LRRC37B: variants seen among roughly 807,000 people sequenced by gnomAD.
The protein encoded by LRRC37B is leucine rich repeat containing 37B.
In LRRC37B, 28 loss-of-function variants were observed where a neutral mutation model predicts 98.3. The ratio of observed to expected loss-of-function variants is 0.28; its 90% CI spans 0.21 to 0.39. The LOEUF (loss-of-function observed/expected upper bound fraction) is 0.39, where lower values mean the gene tolerates loss of function less well. Among genes scored for constraint, LRRC37B ranks in the 10% least tolerant of loss-of-function variants. The pLI, the probability that LRRC37B is intolerant of heterozygous loss-of-function variation, is 1.00. For missense variants in LRRC37B, 938 were observed against 1,182.7 expected, an observed-to-expected ratio of 0.79 and a Z score of 3.03; for synonymous variants, 364 against 442.7, an observed-to-expected ratio of 0.82 and a Z score of 2.23.
intron 1 of LRRC37B, among the ~76,000 whole-genome samples, chr17:32,024,086 G>GTT (rs879823401): frequency 1.3e-5 from 2 of 150,644 alleles, no homozygotes; most frequent in African/African-American, 4.9e-5. Context: ...ATTTTATTTT[G>GTT]TTTTTTTTGC....
intron 11 of LRRC37B, chr17:32,052,979 GT>G (rs1433196499): frequency 5.8e-5 from 17 of 292,954 alleles, no homozygotes; most frequent in South Asian, 2.1e-4. Flanking sequence ...ATGGGGGGGG[GT>G]GTGTTGGTTA....
At chr17:32,040,246 A>G in intron 7 of LRRC37B, 1 of 220,092 alleles carries the variant, frequency 4.5e-6, no homozygotes, top group Non-Finnish European at 9.2e-6. Flanking sequence ...TTTTGTCAGT[A>G]TACTTTAAAA....
intron 9 of LRRC37B, 112 bp downstream of exon 12, chr17:32,048,013 C>T: frequency 6.4e-7 from 1 of 1,572,178 alleles, no homozygotes; most frequent in Non-Finnish European, 8.8e-7. Flanking sequence ...TTACCGTTCA[C>T]TGAACAGCTA....
chr17:32,024,891 A>C (rs2470277), intron 2 of LRRC37B, 109 bp downstream of exon 5: 1 of 1,313,038 alleles, frequency 7.6e-7, no homozygotes, highest in Non-Finnish European at 1.0e-6. Flanking sequence ...TCCCCTCCAT[A>C]CCCCAAATCA....
intron 7 of LRRC37B, among the ~76,000 whole-genome samples, chr17:32,037,130 G>A (rs888272767): frequency 1.3e-5 from 2 of 151,278 alleles, no homozygotes; most frequent in Non-Finnish European, 1.5e-5. Context: ...GTAGGCACCC[G>A]CCACCACACC....
chr17:32,007,761 C>T, upstream of LRRC37B: 1 of 1,193,076 alleles, frequency 8.4e-7, no homozygotes, highest in Non-Finnish European at 1.0e-6. The surrounding 1 kb of genome is among the most constrained non-coding windows in gnomAD (Gnocchi z 4.1). Flanking sequence ...GGGCAGCCGC[C>T]AGGCTGAGGT....
rs761956859 is a variant in LRRC37B, at chr17:32,021,670, T to C, written c.605T>C (p.Leu202Pro). The C allele has an allele frequency of 2.0e-5, 32 of 1,614,104 alleles. No homozygotes were observed. The highest frequency in any genetic ancestry group is 2.7e-5 in the Non-Finnish European group (32 of 1,180,040). ...CAGGCAGATGAAATACTTGTTCCAC[T>C]AGACAGTAAGGTTTCAAGACCAACC... The change falls in exon 1 of 12, where the codon CTA becomes CCA. Residue 202 changes from leucine (L) to proline (P), a missense_variant. Transcript: ENST00000327564.
At chr17:32,038,626 G>A (rs544442425) in intron 7 of LRRC37B, among the ~76,000 whole-genome samples, 25 of 152,304 alleles carry the variant, frequency 1.6e-4, no homozygotes, top group Non-Finnish European at 3.4e-4. Context: ...GGAGGCCGAG[G>A]CAGGTGGATC....
intron 1 of LRRC37B, among the ~76,000 whole-genome samples, chr17:32,011,561 G>A (rs974486750): frequency 1.9e-4 from 28 of 150,886 alleles, no homozygotes; most frequent in African/African-American, 6.6e-4. Context: ...GCAGTGGCAC[G>A]ATCTTGGCTC....
intron 1 of LRRC37B, 121 bp from the exon 5 acceptor site, chr17:32,024,590 T>A: frequency 2.6e-6 from 4 of 1,557,856 alleles, no homozygotes; most frequent in Non-Finnish European, 3.5e-6. Flanking sequence ...GCTCTGGAAA[T>A]GAGAAAGCAG....
chr17:32,020,342 C>G (rs1415402221), upstream of LRRC37B, among the ~76,000 whole-genome samples: 2 of 152,138 alleles, frequency 1.3e-5, no homozygotes, highest in African/African-American at 4.8e-5. Flanking sequence ...ACTTTAACAA[C>G]CTAAGCCTCT....
intron 7 of LRRC37B, among the ~76,000 whole-genome samples, chr17:32,037,354 C>G (rs1911277831): frequency 6.6e-6 from 1 of 152,052 alleles, no homozygotes; most frequent in African/African-American, 2.4e-5. Context: ...CAACCTCGGC[C>G]TCCCAGGTTC....
At chr17:32,045,613 C>T (rs1911549542) in intron 7 of LRRC37B, 87 bp from the exon 11 acceptor site, 1 of 1,506,662 alleles carries the variant, frequency 6.6e-7, no homozygotes. Context: ...CCTCTTTGCC[C>T]AGCCCTGTGG....
intron 1 of LRRC37B, among the ~76,000 whole-genome samples, chr17:32,011,676 T>C (rs1046472910): frequency 1.3e-5 from 2 of 151,408 alleles, no homozygotes; most frequent in African/African-American, 4.9e-5. Context: ...TTTGGATTTT[T>C]AGTAGAGATG....
intron 7 of LRRC37B, chr17:32,041,919 C>A: frequency 2.3e-6 from 1 of 435,316 alleles, no homozygotes; most frequent in Non-Finnish European, 4.6e-6. Flanking sequence ...CACAGCCTAC[C>A]CTCGAGTTCC....
intron 8 of LRRC37B, among the ~76,000 whole-genome samples, chr17:32,046,162 A>AGC (rs1911573164): frequency 6.6e-6 from 1 of 152,230 alleles, no homozygotes; most frequent in Non-Finnish European, 1.5e-5. Context: ...TGTAGTTTGT[A>AGC]AGCTGGTTTT....
intron 5 of LRRC37B, among the ~76,000 whole-genome samples, chr17:32,031,878 G>GC (rs1555535575): frequency 6.6e-6 from 1 of 151,962 alleles, no homozygotes. Flanking sequence ...TAGTGATGCA[G>GC]TTTTTTGCTC....
At chr17:32,031,702 G>A (rs1911114872) in intron 5 of LRRC37B, among the ~76,000 whole-genome samples, 1 of 151,598 alleles carries the variant, frequency 6.6e-6, no homozygotes. Flanking sequence ...CATCAAACAA[G>A]TGACCCTCAA....
intron 11 of LRRC37B, chr17:32,051,439 C>T (rs1911753957): frequency 6.7e-6 from 1 of 149,698 alleles, no homozygotes; most frequent in Admixed American, 6.7e-5. Context: ...CAAGATCAGG[C>T]TGCTGCACTC....
Sources: gnomAD v4.1 joint callset for allele counts (sites outside exome capture counted in the v4.1 genomes callset) on GRCh38, gnomAD v4.1.1 for gene constraint, Gnocchi (gnomAD v3.1) non-coding constraint, MANE v1.5 for transcripts, NCBI Gene and HGNC (gene_info 2026-07-23, HGNC 2026-07-21) for gene names.